Variants in COL19A1 observed in about 807,000 individuals in gnomAD.
COL19A1 encodes the protein collagen alpha-1(XIX) chain.
COL19A1 carries 159 observed loss-of-function variants against 190.2 expected under a neutral mutation model. The ratio of observed to expected loss-of-function variants is 0.84; its 90% CI spans 0.73 to 0.95. The LOEUF (loss-of-function observed/expected upper bound fraction) is 0.95. COL19A1 is among the 40% of genes least tolerant of loss of function. The pLI is 0.00. For missense variants in COL19A1, 1,418 were observed against 1,431.9 expected (o/e 0.99, Z 0.16); for synonymous variants, 509 against 458.9 (o/e 1.11, Z -1.39).
rs759171939 is a variant in COL19A1 at position 70,190,343 on chromosome 6, A to G, written c.3056A>G (p.Lys1019Arg). The G allele has an allele frequency of 6.2e-7, 1 of 1,607,620 alleles. No homozygotes were observed. The highest frequency in any genetic ancestry group is 1.1e-5 in the South Asian group (1 of 89,742). ...PADAVSFEEI[K>R]KYINQEVLRI... Reference sequence around the variant, plus strand: ...GATGCAGTTTCATTTGAAGAAATAAAGAAGTATATTAATCAAGAGGTCCTA... The same window carrying G: ...GATGCAGTTTCATTTGAAGAAATAAGGAAGTATATTAATCAAGAGGTCCTA... The change falls in exon 48 of 51, where the codon AAG becomes AGG. Residue 1019 changes from lysine to arginine, a missense_variant. Physicochemically the swap from Lys to Arg is conservative, Grantham distance 26. Transcript: ENST00000620364.
intron 14 of COL19A1, among the ~76,000 whole-genome samples, chr6:70,051,773 CA>C (rs1780216002): frequency 6.6e-6 from 1 of 151,992 alleles, no homozygotes; most frequent in Non-Finnish European, 1.5e-5. Flanking sequence ...TGGTGTCTGG[CA>C]AATTTTTTAT....
intron 11 of COL19A1, among the ~76,000 whole-genome samples, chr6:69,989,053 G>A (rs960711889): frequency 6.6e-5 from 10 of 151,950 alleles, no homozygotes; most frequent in African/African-American, 2.2e-4. Context: ...TCTCATAGCC[G>A]CCCTTCTTTT....
rs536559999 is a variant in COL19A1, at chr6:70,123,132, C to T, written c.1341+1190C>T. 3.3e-3 allele frequency among the ~76,000 whole-genome samples: 503 copies of T among 152,146 alleles called. 2 individuals carry two copies. Among genetic ancestry groups the T allele is most frequent in the African/African-American group, 0.011 (477 of 41,510 alleles). ...ATAAGAAAAAAACAAACAACCCCAT[C>T]AAAAAGTGGGTGAAGGACATGAACA... On this transcript the variant is annotated intron_variant, in intron 17 of 50. Coordinates refer to ENST00000620364, the MANE Select transcript of COL19A1 (RefSeq NM_001858.6).
chr6:70,205,203 G>A (rs1322801177), intron 49 of COL19A1, among the ~76,000 whole-genome samples: 4 of 151,976 alleles, frequency 2.6e-5, no homozygotes, highest in Non-Finnish European at 5.9e-5. Flanking sequence ...TTTTCCACTA[G>A]TTTCACATTT....
At chr6:70,169,950 A>G (rs964857159) in intron 40 of COL19A1, among the ~76,000 whole-genome samples, 2 of 152,190 alleles carry the variant, frequency 1.3e-5, no homozygotes, top group Admixed American at 6.6e-5. Context: ...ATTATAATAA[A>G]GGATAAATTA....
intron 47 of COL19A1, among the ~76,000 whole-genome samples, chr6:70,189,491 C>T (rs1261097890): frequency 1.3e-5 from 2 of 152,154 alleles, no homozygotes; most frequent in Admixed American, 1.3e-4. Flanking sequence ...ATCATATTGT[C>T]TTTAATGCCA....
At position 70,187,893 on chromosome 6, in the gene COL19A1, C is replaced by G. The variant is rs1239502395; in HGVS notation, c.2857-182C>G. Among the ~76,000 whole-genome samples the G allele has an allele frequency of 2.0e-5, 3 of 152,122 alleles. No homozygotes were observed. In the East Asian group the frequency reaches 5.8e-4, roughly 29 times the overall value. Reference sequence around the variant, plus strand: ...AATTCATTTAGTTCTGAAAATCGCCCTATCTAATGGATACTATTAATATGC... The same window carrying G: ...AATTCATTTAGTTCTGAAAATCGCCGTATCTAATGGATACTATTAATATGC... On this transcript the variant is annotated intron_variant, in intron 46 of 50. Coordinates refer to ENST00000620364, the MANE Select transcript of COL19A1 (RefSeq NM_001858.6).
At chr6:69,891,018 G>T in intron 2 of COL19A1, 1 of 355,156 alleles carries the variant, frequency 2.8e-6, no homozygotes, top group Non-Finnish European at 5.8e-6. Flanking sequence ...AGCAGAAGGG[G>T]CCATTGTCAG....
chr6:70,191,979 T>C (rs1766902015), intron 48 of COL19A1, among the ~76,000 whole-genome samples: 1 of 152,152 alleles, frequency 6.6e-6, no homozygotes, highest in Non-Finnish European at 1.5e-5. Context: ...ATATGAGAAC[T>C]AGAAATACAG....
chr6:69,914,352 G>A (rs920415782), intron 4 of COL19A1, among the ~76,000 whole-genome samples: 1 of 152,186 alleles, frequency 6.6e-6, no homozygotes, highest in Non-Finnish European at 1.5e-5. Context: ...ACTGACAGGT[G>A]ATGGTGGGTG....
chr6:69,882,741 C>T (rs1186110651), intron 2 of COL19A1, among the ~76,000 whole-genome samples: 2 of 152,256 alleles, frequency 1.3e-5, no homozygotes, highest in African/African-American at 4.8e-5. Context: ...TGTAACTATT[C>T]ATATAAGCCC....
chr6:70,135,653 AGC>A (rs1785818730), intron 18 of COL19A1, among the ~76,000 whole-genome samples: 1 of 152,204 alleles, frequency 6.6e-6, no homozygotes, highest in Non-Finnish European at 1.5e-5. Context: ...AAAATCAGCC[AGC>A]AAAGAGACCG....
intron 4 of COL19A1, among the ~76,000 whole-genome samples, chr6:69,911,397 C>T (rs1770902675): frequency 6.6e-6 from 1 of 151,806 alleles, no homozygotes; most frequent in African/African-American, 2.4e-5. Context: ...TTTTTTCCCC[C>T]AAATTAGGTG....
At chr6:70,022,537 T>C (rs1266131537) in intron 11 of COL19A1, among the ~76,000 whole-genome samples, 1 of 152,202 alleles carries the variant, frequency 6.6e-6, no homozygotes, top group African/African-American at 2.4e-5. Context: ...AAAAATTGTA[T>C]TATACTATAT....
At chr6:70,186,669 A>G (rs1766535922) in intron 46 of COL19A1, among the ~76,000 whole-genome samples, 1 of 152,252 alleles carries the variant, frequency 6.6e-6, no homozygotes, top group East Asian at 1.9e-4. Flanking sequence ...GAGTTATGCA[A>G]CTGAATATTT....
At chr6:69,894,881 A>G (rs1769611882) in intron 2 of COL19A1, among the ~76,000 whole-genome samples, 1 of 152,250 alleles carries the variant, frequency 6.6e-6, no homozygotes, top group Non-Finnish European at 1.5e-5. Flanking sequence ...GAAAAAATAA[A>G]CAGTGATGGT....
chr6:69,990,635 G>A (rs1393787447), intron 11 of COL19A1, among the ~76,000 whole-genome samples: 1 of 151,958 alleles, frequency 6.6e-6, no homozygotes, highest in Non-Finnish European at 1.5e-5. Flanking sequence ...CAGTTTCATG[G>A]TGTACTTTAA....
At chr6:69,989,553 C>CAT (rs1776501572) in intron 11 of COL19A1, among the ~76,000 whole-genome samples, 1 of 126,354 alleles carries the variant, frequency 7.9e-6, no homozygotes, top group Non-Finnish European at 1.6e-5. Flanking sequence ...GAGTTTTTTA[C>CAT]TTTTTTTTTT....
At position 70,163,351 on chromosome 6, in the gene COL19A1, G is replaced by T. The variant is rs772371125; in HGVS notation, c.2355G>T (p.Met785Ile). 1 of 1,612,320 alleles carries T rather than the reference G, an allele frequency of 6.2e-7. No homozygotes were observed. The highest frequency in any genetic ancestry group is 1.1e-5 in the South Asian group (1 of 90,938). ...AGTTTTGTGTTTTACAGGGCTTAAT[G>T]GGAAGAACTGGACATCCTGGTCCCA... ...APGPTGPPGLMGRTGHPGPTG... is the reference protein window; with the variant it reads ...APGPTGPPGLIGRTGHPGPTG... Residue 785 changes from methionine (M) to isoleucine (I), a missense_variant, in exon 36 of 51, where the codon ATG becomes ATT. By Grantham distance (10) the Met-to-Ile change is conservative. Coordinates refer to ENST00000620364, the MANE Select transcript of COL19A1 (RefSeq NM_001858.6).
Sources: gnomAD v4.1 joint callset for allele counts (sites outside exome capture counted in the v4.1 genomes callset) on GRCh38, gnomAD v4.1.1 for gene constraint, MANE v1.5 for transcripts, NCBI Gene and HGNC (gene_info 2026-07-23, HGNC 2026-07-21) for gene names.